The following PCMT1 variants were observed in gnomAD, a reference collection of about 807,000 sequenced individuals.
The protein encoded by PCMT1 is protein-L-isoaspartate (D-aspartate) O-methyltransferase.
In PCMT1, 9 loss-of-function variants were observed where a neutral mutation model predicts 29.2. The ratio of observed to expected loss-of-function variants is 0.31; its 90% CI spans 0.19 to 0.54. The LOEUF is 0.54. Ranked by LOEUF, PCMT1 falls within the 20% of genes least tolerant of loss-of-function variation. The pLI is 0.95. For synonymous variants in PCMT1, 98 were observed against 97.5 expected (o/e 1.00, Z -0.03); for missense variants, 184 against 282.2 (o/e 0.65, Z 2.49).
intron 4 of PCMT1, among the ~76,000 whole-genome samples, chr6:149,793,305 T>C (rs899736244): frequency 2.0e-5 from 3 of 152,208 alleles, no homozygotes; most frequent in Admixed American, 1.3e-4. Context: ...GTTCTAGATT[T>C]AATCTAAGAA....
chr6:149,753,314 G>A (rs974028507), intron 1 of PCMT1, among the ~76,000 whole-genome samples: 2 of 151,810 alleles, frequency 1.3e-5, no homozygotes, highest in African/African-American at 4.8e-5. Context: ...TACTAGAAGG[G>A]GAAGGAAATT....
chr6:149,792,416 GT>G (rs1206046306), intron 4 of PCMT1, among the ~76,000 whole-genome samples: 7 of 152,200 alleles, frequency 4.6e-5, no homozygotes, highest in Admixed American at 3.9e-4. Flanking sequence ...GCCTTTATGT[GT>G]TAATTTTTTA....
intron 7 of PCMT1, among the ~76,000 whole-genome samples, chr6:149,804,367 T>C (rs1329539429): frequency 6.6e-6 from 1 of 152,140 alleles, no homozygotes; most frequent in African/African-American, 2.4e-5. Flanking sequence ...CTATAATTTA[T>C]AATTTATAAT....
chr6:149,785,767 C>T (rs1788012133), intron 3 of PCMT1, among the ~76,000 whole-genome samples: 1 of 151,782 alleles, frequency 6.6e-6, no homozygotes, highest in African/African-American at 2.4e-5. Flanking sequence ...AAGAATTTTT[C>T]TTAGTACAGA....
intron 1 of PCMT1, among the ~76,000 whole-genome samples, chr6:149,757,202 T>C (rs1179552539): frequency 6.6e-6 from 1 of 152,154 alleles, no homozygotes; most frequent in Non-Finnish European, 1.5e-5. Context: ...TTTAGTCATA[T>C]TAGCCACATT....
chr6:149,749,746 G>GGCGGCAGCGGCGGCGACGGCAGTAACA lies in PCMT1; in HGVS notation c.-147_-121dup. On this transcript the variant is annotated 5_prime_UTR_variant, in exon 1 of 8. Transcript: ENST00000464889. ...GCGGGGGATGCCGGGAGCGCGCAGT[G>GGCGGCAGCGGCGGCGACGGCAGTAACA]GCGGCAGCGGCGGCGACGGCAGTAA... The GGCGGCAGCGGCGGCGACGGCAGTAACA allele has an allele frequency of 6.5e-7, 1 of 1,544,758 alleles. No individual in the cohort carries two copies. Among genetic ancestry groups the GGCGGCAGCGGCGGCGACGGCAGTAACA allele is most frequent in the Non-Finnish European group, 8.7e-7 (1 of 1,144,176 alleles).
chr6:149,797,883 TA>T (rs956173539), intron 6 of PCMT1: 29 of 146,784 alleles, frequency 2.0e-4, no homozygotes, highest in East Asian at 5.9e-4. Context: ...ATTATCTGTT[TA>T]AAAAAAAAAA....
chr6:149,790,806 C>T (rs1262695292), intron 4 of PCMT1, among the ~76,000 whole-genome samples: 4 of 152,014 alleles, frequency 2.6e-5, no homozygotes, highest in Non-Finnish European at 5.9e-5. Flanking sequence ...GCCAGGAGTT[C>T]GAGACCAGCC....
chr6:149,791,971 G>A (rs1215942137), intron 4 of PCMT1, among the ~76,000 whole-genome samples: 1 of 152,126 alleles, frequency 6.6e-6, no homozygotes, highest in Non-Finnish European at 1.5e-5. Context: ...TTTTATGATG[G>A]GGTTTATGCC....
intron 3 of PCMT1, among the ~76,000 whole-genome samples, chr6:149,774,245 CTT>C (rs1341026260): frequency 6.8e-6 from 1 of 146,288 alleles, no homozygotes; most frequent in Non-Finnish European, 1.5e-5. Context: ...TTTTTCTTTT[CTT>C]TTTTTTTTTT....
chr6:149,784,925 G>A (rs564394003), intron 3 of PCMT1, among the ~76,000 whole-genome samples: 4 of 152,134 alleles, frequency 2.6e-5, no homozygotes, highest in South Asian at 2.1e-4. Context: ...TCTACTCCAC[G>A]TTCAAAGTTT....
intron 3 of PCMT1, among the ~76,000 whole-genome samples, chr6:149,785,785 G>A (rs1332295619): frequency 6.6e-6 from 1 of 152,030 alleles, no homozygotes; most frequent in African/African-American, 2.4e-5. Flanking sequence ...AGAACAAAAT[G>A]AAAAGTCTCC....
chr6:149,768,112 G>A (rs1182288964), intron 1 of PCMT1, among the ~76,000 whole-genome samples: 2 of 151,450 alleles, frequency 1.3e-5, no homozygotes, highest in Admixed American at 6.6e-5. Flanking sequence ...TGTGTTTTGA[G>A]ACAGGGCCTT....
At chr6:149,795,304 C>A in intron 5 of PCMT1, 1 of 387,978 alleles carries the variant, frequency 2.6e-6, no homozygotes, top group South Asian at 2.5e-5. Context: ...AAAAGCCTCT[C>A]CAGATGGTTC....
At chr6:149,795,103 G>T (rs187164638) in intron 5 of PCMT1, 11 of 322,778 alleles carry the variant, frequency 3.4e-5, no homozygotes, top group Admixed American at 8.9e-5. Flanking sequence ...TGAGGCAGGA[G>T]AATCGCTTGA....
At chr6:149,757,416 T>C (rs2115200923) in intron 1 of PCMT1, among the ~76,000 whole-genome samples, 1 of 152,326 alleles carries the variant, frequency 6.6e-6, no homozygotes, top group East Asian at 1.9e-4. Context: ...ATTAATATTA[T>C]ATTTAGCTTT....
At chr6:149,771,290 A>G (rs1291294293) in intron 2 of PCMT1, 24 bp downstream of exon 2, 2 of 1,351,478 alleles carry the variant, frequency 1.5e-6, no homozygotes, top group African/African-American at 2.9e-5. Flanking sequence ...TTCTGAAAAT[A>G]TCATAGTTTT....
chr6:149,785,417 A>AT (rs1298653344), intron 3 of PCMT1, among the ~76,000 whole-genome samples: 17 of 59,568 alleles, frequency 2.9e-4, no homozygotes, highest in South Asian at 9.0e-4. Flanking sequence ...TTTTATTTTT[A>AT]TTTTTTTTTA....
intron 3 of PCMT1, among the ~76,000 whole-genome samples, 175 bp from the exon 4 acceptor site, chr6:149,789,779 G>A (rs745729913): frequency 3.3e-5 from 5 of 152,064 alleles, no homozygotes; most frequent in Admixed American, 1.3e-4. Context: ...TGATCTGAAT[G>A]TAAGAATTCT....
Sources: gnomAD v4.1 joint callset for allele counts (sites outside exome capture counted in the v4.1 genomes callset) on GRCh38, gnomAD v4.1.1 for gene constraint, MANE v1.5 for transcripts, NCBI Gene and HGNC (gene_info 2026-07-23, HGNC 2026-07-21) for gene names.